ZNF106: variants seen among roughly 807,000 people sequenced by gnomAD.
ZNF106 encodes the protein SH3-domain binding protein 3.
A neutral mutation model predicts 195.1 loss-of-function variants in ZNF106; 67 were observed. That is an observed-to-expected ratio of 0.34 (90% CI 0.28 to 0.42). The LOEUF is 0.42. Among genes scored for constraint, ZNF106 ranks in the 10% least tolerant of loss-of-function variants. The pLI, the probability that ZNF106 is intolerant of heterozygous loss-of-function variation, is 1.00. For synonymous variants in ZNF106, 784 were observed against 818.6 expected (o/e 0.96, Z 0.72); for missense variants, 2,118 against 2,304.5 (o/e 0.92, Z 1.66).
At chr15:42,438,310 G>C (rs1595452383) in intron 12 of ZNF106, among the ~76,000 whole-genome samples, 1 of 152,224 alleles carries the variant, frequency 6.6e-6, no homozygotes, top group East Asian at 1.9e-4. Flanking sequence ...AGAACTGCTT[G>C]AACCTGGGAG....
Position 42,414,441 on chromosome 15 carries a change from C to T in ZNF106, c.*2863G>A, listed in dbSNP as rs2054374550. On this transcript the variant is annotated 3_prime_UTR_variant, in exon 22 of 22. Transcript: ENST00000564754. ...TTGAAACAAAGGCATACTGCCACTG[C>T]TTCAAAAAAAGCCTTTGTGAAATGA... is the stretch of plus-strand genomic sequence containing the variant. 6.6e-6 allele frequency: 1 copy of T among 152,218 alleles called. No homozygotes were observed. The highest frequency in any genetic ancestry group is 1.5e-5 in the Non-Finnish European group (1 of 68,048). 9.4% of individuals were successfully genotyped at this position (152,218 alleles called of 1,614,324 possible).
chr15:42,446,052 C>G (rs1002933161), intron 7 of ZNF106, among the ~76,000 whole-genome samples: 9 of 152,180 alleles, frequency 5.9e-5, no homozygotes, highest in African/African-American at 2.2e-4. Flanking sequence ...TGAAAAGGCT[C>G]AAGGAAACTT....
Position 42,446,786 on chromosome 15 carries a change from G to T in ZNF106, c.3136-128C>A. ...TATTGCTACCATCTCTAACATGATC[G>T]TAGAAGTCTCACGCACGTGGTACCA... On this transcript the variant is annotated intron_variant, in intron 6 of 21. Coordinates refer to ENST00000564754, the MANE Select transcript of ZNF106 (RefSeq NM_001366845.3). 3.7e-6 allele frequency: 3 copies of T among 805,652 alleles called. No individual in the cohort carries two copies. The South Asian group carries it at 5.7e-5, about 15-fold the overall frequency. The allele number at this position is 805,652 out of a possible 1,614,324, so 49.9% of individuals were successfully genotyped here. A position where few individuals can be genotyped will look rare whatever the true frequency, so the allele number is the denominator to read the frequency against.
At chr15:42,478,519 T>TC (rs1469921587) in intron 1 of ZNF106, among the ~76,000 whole-genome samples, 16 of 133,932 alleles carry the variant, frequency 1.2e-4, no homozygotes, top group Middle Eastern at 3.4e-3. Context: ...TTTCTTTTTT[T>TC]TTTTTTTTTT....
At chr15:42,438,746 G>A (rs1241612003) in intron 11 of ZNF106, 79 bp from the exon 12 acceptor site, 1 of 1,366,124 alleles carries the variant, frequency 7.3e-7, no homozygotes, top group African/African-American at 1.5e-5. Flanking sequence ...CTGACTCAAA[G>A]GATTTTTCTA....
At chr15:42,467,980 T>C (rs990674392) in intron 2 of ZNF106, among the ~76,000 whole-genome samples, 3 of 152,072 alleles carry the variant, frequency 2.0e-5, no homozygotes, top group East Asian at 1.9e-4. Flanking sequence ...TTATATACAG[T>C]TCATTTGTCA....
rs992827671 is a variant in ZNF106, at chr15:42,416,071, A to C, written c.*1233T>G. The C allele has an allele frequency of 6.6e-6, 1 of 152,494 alleles. No homozygotes were observed. The highest frequency in any genetic ancestry group is 2.4e-5 in the African/African-American group (1 of 41,452). 9.4% of individuals were successfully genotyped at this position (152,494 alleles called of 1,614,324 possible). On this transcript the variant is annotated 3_prime_UTR_variant, in exon 22 of 22. Transcript: ENST00000564754. ...GAGGATCCAGAAACAAAAGGCTGGA[A>C]AGCGACACTTCTACAGGTTTACTGA...
chr15:42,453,025 A>G lies in ZNF106; in HGVS notation c.318-1071T>C, dbSNP rs529243143. 1.4e-3 allele frequency among the ~76,000 whole-genome samples: 220 copies of G among 152,252 alleles called. 2 individuals are homozygous for G. The highest frequency in any genetic ancestry group is 2.3e-3 in the Admixed American group (35 of 15,284). The stretch of plus-strand genomic sequence containing the variant: ...TCATATTTAGTACAATTTTATGTTC[A>G]GCTGCCCTTAATACCATGATTTTTC... On this transcript the variant is annotated intron_variant, in intron 4 of 21. Coordinates refer to ENST00000564754, the MANE Select transcript of ZNF106 (RefSeq NM_001366845.3).
At chr15:42,458,098 C>G (rs1259835291) in intron 3 of ZNF106, among the ~76,000 whole-genome samples, 1 of 152,092 alleles carries the variant, frequency 6.6e-6, no homozygotes, top group Non-Finnish European at 1.5e-5. Flanking sequence ...ACCATAGTTA[C>G]AAGACAGCAG....
chr15:42,417,507 G>T, intron 21 of ZNF106, 147 bp from the exon 22 acceptor site: 1 of 907,906 alleles, frequency 1.1e-6, no homozygotes, highest in Non-Finnish European at 1.7e-6. Context: ...TAACTTACGT[G>T]AAACCATGTA....
intron 14 of ZNF106, among the ~76,000 whole-genome samples, chr15:42,433,981 T>C (rs748557142): frequency 2.0e-5 from 3 of 152,084 alleles, no homozygotes; most frequent in Non-Finnish European, 4.4e-5. Context: ...CCCAAACAGC[T>C]AGGACTATAG....
chr15:42,450,317 T>C lies in ZNF106; in HGVS notation c.1955A>G (p.Asp652Gly), dbSNP rs2055950793. ...CTCTCTAGAAGTCTTCAGGATGCGG[T>C]CATCCTCCTCTTTCTCATCAGCAGT... ...TRTADEKEED[D>G]RILKTSRELS... Residue 652 changes from aspartate to glycine, a missense_variant, in exon 5 of 22, where the codon GAC becomes GGC. Transcript: ENST00000564754. 1 of 1,614,018 alleles carries C rather than the reference T, an allele frequency of 6.2e-7. No homozygotes were observed. Among genetic ancestry groups the C allele is most frequent in the African/African-American group, 1.3e-5 (1 of 74,918 alleles).
intron 4 of ZNF106, among the ~76,000 whole-genome samples, chr15:42,454,943 G>A (rs1046490206): frequency 1.8e-4 from 28 of 151,752 alleles, no homozygotes; most frequent in African/African-American, 6.8e-4. Context: ...GGTCATCAAG[G>A]AGGCACATCA....
intron 1 of ZNF106, among the ~76,000 whole-genome samples, chr15:42,482,534 T>G (rs549766214): frequency 1.4e-5 from 2 of 139,474 alleles, no homozygotes; most frequent in East Asian, 2.0e-4. Context: ...TTTTTTTTTT[T>G]TTTTTTTTTT....
chr15:42,426,664 A>G (rs1030697575), intron 15 of ZNF106, among the ~76,000 whole-genome samples: 2 of 147,876 alleles, frequency 1.4e-5, no homozygotes, highest in Admixed American at 1.4e-4. Flanking sequence ...TCAGTCTCCC[A>G]AAGTGCTGGG....
At chr15:42,433,145 G>C (rs1013563977) in intron 14 of ZNF106, among the ~76,000 whole-genome samples, 1 of 151,232 alleles carries the variant, frequency 6.6e-6, no homozygotes, top group Non-Finnish European at 1.5e-5. Flanking sequence ...TTGCTCTGTC[G>C]CCCAGGCTGG....
chr15:42,487,490 C>CA (rs961444853), intron 1 of ZNF106, among the ~76,000 whole-genome samples: 2,865 of 42,892 alleles, frequency 0.067, 261 homozygotes, highest in African/African-American at 0.13. Context: ...GACCCTGTCT[C>CA]AAAAAAAAAA....
chr15:42,439,359 C>T lies in ZNF106; in HGVS notation c.4218G>A (p.Arg1406=). Residue 1406 remains arginine (R), a synonymous_variant, in exon 11 of 22, where the codon AGG becomes AGA. Transcript: ENST00000564754. ...EQDVLTVKPV[R]KVKAGKLIKG... ...TAATTAACTTTCCAGCTTTTACTTT[C>T]CTTACAGGTTTAACAGTCAAAACAT... is the stretch of plus-strand genomic sequence containing the variant. The T allele has an allele frequency of 6.2e-7, 1 of 1,614,064 alleles. No homozygotes were observed. Among genetic ancestry groups the T allele is most frequent in the Middle Eastern group, 1.6e-4 (1 of 6,062 alleles).
At position 42,413,457 on chromosome 15, in the gene ZNF106, T is replaced by A. The variant is rs2054338367; in HGVS notation, c.*3847A>T. On this transcript the variant is annotated 3_prime_UTR_variant, in exon 22 of 22. Transcript: ENST00000564754. ...ACAAAATTTAGATGTAAGCATAAAC[T>A]GCAGTTATTTGAGCAAACCAGAGCA... is the stretch of plus-strand genomic sequence containing the variant. 6.6e-6 allele frequency: 1 copy of A among 152,600 alleles called. No homozygotes were observed. The highest frequency in any genetic ancestry group is 2.4e-5 in the African/African-American group (1 of 41,452). The allele number at this position is 152,600 out of a possible 1,614,324, so 9.5% of individuals were successfully genotyped here.
Sources: allele counts gnomAD v4.1 joint callset (sites outside exome capture counted in the v4.1 genomes callset), GRCh38; gene constraint gnomAD v4.1.1; transcripts MANE v1.5; gene names NCBI Gene and HGNC (gene_info 2026-07-23, HGNC 2026-07-21).